DHRS4: variants seen among roughly 807,000 people sequenced by gnomAD.
DHRS4 encodes dehydrogenase/reductase 4, also known as dehydrogenase/reductase SDR family member 4.
Under a neutral mutation model 28.4 loss-of-function variants are expected in DHRS4, and 20 were observed. The ratio of observed to expected loss-of-function variants is 0.71; its 90% CI spans 0.50 to 1.02. DHRS4 has a LOEUF of 1.02. DHRS4 is among the 50% of genes least tolerant of loss of function. DHRS4 has a pLI of 0.00. For missense variants in DHRS4, 378 were observed against 367.2 expected (o/e 1.03, Z -0.24); for synonymous variants, 144 against 146.4 (o/e 0.98, Z 0.12).
intron 3 of DHRS4, among the ~76,000 whole-genome samples, chr14:23,964,242 A>C (rs1433960784): frequency 4.5e-5 from 6 of 134,804 alleles, no homozygotes; most frequent in South Asian, 4.8e-4. Flanking sequence ...AAAAAAAAAA[A>C]AAAAAAAAAA....
chr14:23,968,320 G>A (rs2033708773), intron 7 of DHRS4, among the ~76,000 whole-genome samples: 1 of 150,656 alleles, frequency 6.6e-6, no homozygotes, highest in Admixed American at 6.6e-5. Flanking sequence ...TAAGGCACAA[G>A]TATAGATTCC....
chr14:23,967,255 G>A lies in DHRS4; in HGVS notation c.711G>A (p.Leu237=), dbSNP rs1173958249. 6.2e-7 allele frequency: 1 copy of A among 1,612,716 alleles called. No individual in the cohort carries two copies. Among genetic ancestry groups the A allele is most frequent in the Non-Finnish European group, 8.5e-7 (1 of 1,179,550 alleles). The change falls in exon 7 of 8, where the codon CTG becomes CTA. Residue 237 remains leucine (L), a synonymous_variant. Coordinates refer to ENST00000313250, the MANE Select transcript of DHRS4 (RefSeq NM_021004.4). ...KEKEESMKET[L]RIRRLGEPED... is the part of the protein sequence containing the mutation. The stretch of plus-strand genomic sequence containing the variant: ...AAGAGGAAAGCATGAAAGAAACCCT[G>A]CGGATAAGAAGGTAAACTGTCATGA...
Position 23,955,938 on chromosome 14 carries a change from T to C in DHRS4, c.306+726T>C, listed in dbSNP as rs1410387932. Among the ~76,000 whole-genome samples, 13 of 152,352 alleles carry C rather than the reference T, an allele frequency of 8.5e-5. No homozygotes were observed. In the South Asian group the frequency reaches 1.0e-3, roughly 12 times the overall value. ...TCCTCTTCCCTTGAGGCTCACGGCATACACTTTATTTCCCAGAGTGGAAGG... is the reference window on the plus strand; with the variant it reads ...TCCTCTTCCCTTGAGGCTCACGGCACACACTTTATTTCCCAGAGTGGAAGG... On this transcript the variant is annotated intron_variant, in intron 2 of 7. Transcript: ENST00000313250.
chr14:23,963,880 T>TACA (rs2033510177), intron 3 of DHRS4, among the ~76,000 whole-genome samples: 2 of 150,434 alleles, frequency 1.3e-5, no homozygotes, highest in Admixed American at 1.3e-4. Flanking sequence ...CAAGCCATTG[T>TACA]AGGGTTAATA....
chr14:23,953,998 CT>C (rs1295784348), intron 1 of DHRS4, 82 bp downstream of exon 1: 49 of 1,528,862 alleles, frequency 3.2e-5, no homozygotes, highest in Non-Finnish European at 4.0e-5. Context: ...TCCGGTGCCC[CT>C]GTCCTCAGAC....
intron 7 of DHRS4, among the ~76,000 whole-genome samples, chr14:23,968,405 G>T (rs1253483701): frequency 6.6e-6 from 1 of 150,598 alleles, no homozygotes; most frequent in East Asian, 1.9e-4. Context: ...CAGACTCCCT[G>T]ATACTTTAGT....
rs759097401 is a variant in DHRS4, at chr14:23,968,912, T to C, written c.*41T>C. On this transcript the variant is annotated 3_prime_UTR_variant, in exon 8 of 8. Coordinates refer to ENST00000313250, the MANE Select transcript of DHRS4 (RefSeq NM_021004.4). ...CCACAGGCCAGAGTTGGGCTCTAGC[T>C]CCTGGTGCTGTTCCCGCATTCACCC... The C allele has an allele frequency of 5.6e-6, 9 of 1,605,230 alleles. No individual in the cohort carries two copies. The South Asian group carries it at 8.9e-5, about 16-fold the overall frequency.
Position 23,968,811 on chromosome 14 carries a change from T to G in DHRS4, c.777T>G (p.Asp259Glu). ...TCGTGTCTTTCCTGTGCTCTGAAGATGCCAGCTACATCACTGGGGAAACAG... is the reference window on the plus strand; with the variant it reads ...TCGTGTCTTTCCTGTGCTCTGAAGAGGCCAGCTACATCACTGGGGAAACAG... The part of the protein sequence containing the change: ...AGIVSFLCSE[D>E]ASYITGETVV... Residue 259 changes from aspartate to glutamate, a missense_variant, in exon 8 of 8, where the codon GAT (aspartate) becomes GAG (glutamate). Asp to Glu is a conservative substitution (Grantham distance 45). Transcript: ENST00000313250. The G allele has an allele frequency of 1.9e-6, 3 of 1,610,892 alleles. No individual in the cohort carries two copies. Among genetic ancestry groups the G allele is most frequent in the Non-Finnish European group, 2.5e-6 (3 of 1,178,610 alleles).
intron 2 of DHRS4, among the ~76,000 whole-genome samples, chr14:23,957,798 C>T (rs1345507772): frequency 6.7e-6 from 1 of 149,354 alleles, no homozygotes; most frequent in African/African-American, 2.5e-5. Flanking sequence ...TGGTCCTCCC[C>T]ACTGGGCCTA....
At chr14:23,960,174 T>C (rs1384496519) in intron 3 of DHRS4, among the ~76,000 whole-genome samples, 171 bp downstream of exon 3, 1 of 152,048 alleles carries the variant, frequency 6.6e-6, no homozygotes, top group East Asian at 1.9e-4. Flanking sequence ...GGGGTGGCTC[T>C]ATCCCTGCCC....
At position 23,955,080 on chromosome 14, in the gene DHRS4, T is replaced by G. The variant is rs1127279; in HGVS notation, c.174T>G (p.His58Gln). ...IARRLAQDGA[H>Q]VVVSSRKQQN... The stretch of plus-strand genomic sequence containing the variant: ...GGCGTTTGGCCCAGGACGGGGCCCA[T>G]GTGGTCGTCAGCAGCCGGAAGCAGC... Residue 58 changes from histidine (H) to glutamine (Q), a missense_variant, in exon 2 of 8, where the codon CAT (histidine) becomes CAG (glutamine). Coordinates refer to ENST00000313250, the MANE Select transcript of DHRS4 (RefSeq NM_021004.4). 1.2e-6 allele frequency: 2 copies of G among 1,601,012 alleles called. No homozygotes were observed. The highest frequency in any genetic ancestry group is 1.7e-6 in the Non-Finnish European group (2 of 1,168,472).
intron 1 of DHRS4, chr14:23,954,181 T>G (rs2032983339): frequency 2.3e-6 from 1 of 438,518 alleles, no homozygotes; most frequent in African/African-American, 2.0e-5. Context: ...TCCCCAGTGT[T>G]CTGGGCTGCC....
chr14:23,954,632 T>A (rs1198702859), intron 1 of DHRS4, among the ~76,000 whole-genome samples: 12 of 152,146 alleles, frequency 7.9e-5, no homozygotes, highest in Non-Finnish European at 1.5e-5. Context: ...TAACTAAGGA[T>A]AGAATTTTGA....
At chr14:23,959,767 C>A in intron 2 of DHRS4, 135 bp from the exon 3 acceptor site, 1 of 1,032,638 alleles carries the variant, frequency 9.7e-7, no homozygotes, top group Admixed American at 1.9e-5. Flanking sequence ...GAGCCTCCCA[C>A]CTTGGCCTCC....
chr14:23,966,158 A>T, intron 5 of DHRS4, 125 bp from the exon 6 acceptor site: 11 of 1,578,876 alleles, frequency 7.0e-6, no homozygotes, highest in Non-Finnish European at 9.5e-6. Context: ...TAGCCACAAG[A>T]CAGTTCCCTA....
rs565325117 is a variant in DHRS4, at chr14:23,956,898, C to T, written c.306+1686C>T. Among the ~76,000 whole-genome samples the T allele has an allele frequency of 1.6e-4, 24 of 152,252 alleles. No homozygotes were observed. In the East Asian group the frequency reaches 2.9e-3, roughly 18 times the overall value. ...GATTACAGGCGTGAGCCACTGTGCC[C>T]GGCCATAGCTTCTTAAAAGGATACG... On this transcript the variant is annotated intron_variant, in intron 2 of 7. Transcript: ENST00000313250.
In DHRS4 at chr14:23,953,874, C is replaced by T; in HGVS notation, c.86C>T (p.Pro29Leu). ...AGCTCCGGGATGACCCGCCGGGACC[C>T]GCTCGCAAATAAGGTGGCCCTGGTA... ...MASSGMTRRD[P>L]LANKVALVTA... is the part of the protein sequence containing the mutation. Residue 29 changes from proline (P) to leucine (L), a missense_variant, in exon 1 of 8, where the codon CCG becomes CTG. By Grantham distance (98) the Pro-to-Leu change is moderately conservative (BLOSUM62 -3). Transcript: ENST00000313250. The T allele has an allele frequency of 6.2e-7, 1 of 1,611,972 alleles. No individual in the cohort carries two copies. Among genetic ancestry groups the T allele is most frequent in the Non-Finnish European group, 8.5e-7 (1 of 1,179,094 alleles).
chr14:23,967,315 G>A (rs1386314546), intron 7 of DHRS4, 49 bp downstream of exon 7: 6 of 1,593,192 alleles, frequency 3.8e-6, no homozygotes, highest in Middle Eastern at 1.7e-4. Flanking sequence ...AGATGGGAAG[G>A]TCTGGTCCCT....
intron 2 of DHRS4, among the ~76,000 whole-genome samples, chr14:23,956,504 G>A (rs2033162236): frequency 6.6e-6 from 1 of 152,126 alleles, no homozygotes; most frequent in Non-Finnish European, 1.5e-5. Flanking sequence ...AGGAAACAGA[G>A]GAGCACTGTC....
Sources: allele counts gnomAD v4.1 joint callset (sites outside exome capture counted in the v4.1 genomes callset), GRCh38; gene constraint gnomAD v4.1.1; transcripts MANE v1.5; gene names NCBI Gene and HGNC (gene_info 2026-07-23, HGNC 2026-07-21).